The following RC3H1 variants were observed in gnomAD, a reference collection of about 807,000 sequenced individuals.
The protein encoded by RC3H1 is ring finger and CCCH-type domains 1, also known as roquin-1.
In RC3H1, 50 loss-of-function variants were observed where a neutral mutation model predicts 138.2. The observed-to-expected ratio is 0.36, with a 90% CI of 0.29 to 0.46. RC3H1 has a LOEUF of 0.46. Among genes scored for constraint, RC3H1 ranks in the 20% least tolerant of loss-of-function variants. The pLI is 1.00. For synonymous variants in RC3H1, 462 were observed against 489.1 expected (o/e 0.94, Z 0.73); for missense variants, 1,031 against 1,388.1 (o/e 0.74, Z 4.09).
chr1:174,006,674 CTGGTTTT>C (rs925146290), intron 1 of RC3H1, among the ~76,000 whole-genome samples: 48 of 152,204 alleles, frequency 3.2e-4, no homozygotes, highest in Middle Eastern at 3.4e-3. Context: ...CTGAGCATGA[CTGGTTTT>C]AAGTAGGAAC....
At chr1:174,012,652 CG>C (rs759929324) in intron 1 of RC3H1, among the ~76,000 whole-genome samples, 90 of 151,706 alleles carry the variant, frequency 5.9e-4, no homozygotes, top group Non-Finnish European at 1.1e-3. Flanking sequence ...GGTGTGGTGG[CG>C]GGCGCCTGTA....
chr1:173,989,977 C>T (rs6425266), intron 2 of RC3H1, among the ~76,000 whole-genome samples: 43,705 of 151,234 alleles, frequency 0.29, 11,285 homozygotes, highest in African/African-American at 0.7. Context: ...CCACCCGCCT[C>T]GGCCTCCCAA....
At chr1:173,991,508 A>G (rs902164275) in intron 2 of RC3H1, among the ~76,000 whole-genome samples, 2 of 152,214 alleles carry the variant, frequency 1.3e-5, no homozygotes, top group Non-Finnish European at 1.5e-5. Flanking sequence ...TATGATGTTG[A>G]ACAGAAATAG....
intron 17 of RC3H1, among the ~76,000 whole-genome samples, chr1:173,944,028 G>C (rs556542484): frequency 7.2e-5 from 11 of 152,090 alleles, no homozygotes; most frequent in Admixed American, 6.6e-4. Context: ...CAAAAAATTA[G>C]CCTGGGATGG....
intron 1 of RC3H1, among the ~76,000 whole-genome samples, chr1:174,013,239 G>C (rs1026280992): frequency 2.0e-5 from 3 of 151,878 alleles, no homozygotes; most frequent in Non-Finnish European, 4.4e-5. Flanking sequence ...GAAAAACTGA[G>C]ATCATATAAA....
chr1:174,012,669 AG>A (rs1318093850), intron 1 of RC3H1, among the ~76,000 whole-genome samples: 3 of 151,982 alleles, frequency 2.0e-5, no homozygotes, highest in Non-Finnish European at 4.4e-5. Flanking sequence ...CTGTAGTCCC[AG>A]CTACTCGGGA....
chr1:174,021,959 G>A, intron 1 of RC3H1, 137 bp downstream of exon 1: 1 of 377,182 alleles, frequency 2.7e-6, no homozygotes, highest in Non-Finnish European at 4.7e-6. Context: ...CCTGGGGCCG[G>A]CCGGGCTGCC....
intron 2 of RC3H1, 48 bp downstream of exon 2, chr1:173,992,699 CAGAGAGAG>C: frequency 1.3e-6 from 1 of 745,698 alleles, no homozygotes; most frequent in Non-Finnish European, 2.1e-6. Flanking sequence ...CACACACACA[CAGAGAGAG>C]AGAGAGAGAG....
intron 13 of RC3H1, among the ~76,000 whole-genome samples, chr1:173,958,494 C>T (rs1396989785): frequency 6.6e-6 from 1 of 151,492 alleles, no homozygotes; most frequent in Non-Finnish European, 1.5e-5. Context: ...TGCAGTGAGC[C>T]GAGATCGCAC....
intron 1 of RC3H1, among the ~76,000 whole-genome samples, chr1:174,013,609 T>C (rs1250037149): frequency 6.6e-6 from 1 of 151,946 alleles, no homozygotes; most frequent in African/African-American, 2.4e-5. Flanking sequence ...GTGTGGCTAA[T>C]TTTTGTATTT....
chr1:173,978,555 T>A lies in RC3H1; in HGVS notation c.1035A>T (p.Gly345=). The A allele has an allele frequency of 6.2e-7, 1 of 1,614,130 alleles. No individual in the cohort carries two copies. Among genetic ancestry groups the A allele is most frequent in the East Asian group, 2.2e-5 (1 of 44,880 alleles). ...TTAGTCGGTTCAAGTTTGCTGGGTC[T>A]CCAGTTCGCTGGAGAGCAATTGTTA... is the stretch of plus-strand genomic sequence containing the variant. ...QELTIALQRT[G]DPANLNRLRP... The change falls in exon 7 of 20, where the codon GGA becomes GGT. Residue 345 remains glycine, a synonymous_variant. Coordinates refer to ENST00000367696, the MANE Select transcript of RC3H1 (RefSeq NM_172071.4).
chr1:173,984,420 C>T, intron 3 of RC3H1, 79 bp downstream of exon 3: 1 of 1,382,852 alleles, frequency 7.2e-7, no homozygotes, highest in Non-Finnish European at 9.7e-7. Context: ...GGGAATTCCT[C>T]AGGACTTATA....
intron 13 of RC3H1, among the ~76,000 whole-genome samples, chr1:173,957,329 G>C (rs766429489): frequency 6.6e-6 from 1 of 152,060 alleles, no homozygotes; most frequent in Non-Finnish European, 1.5e-5. Flanking sequence ...TATAAATGAA[G>C]AAACGTGCAC....
intron 13 of RC3H1, 38 bp downstream of exon 13, chr1:173,961,039 A>G: frequency 6.3e-7 from 1 of 1,593,322 alleles, no homozygotes; most frequent in East Asian, 2.2e-5. Context: ...CACACACAAA[A>G]AAACACGGAT....
chr1:173,938,779 C>T lies in RC3H1; in HGVS notation c.3344G>A (p.Gly1115Glu), dbSNP rs1274581004. The change falls in exon 20 of 20, where the codon GGA becomes GAA. Residue 1115 changes from glycine to glutamate, a missense_variant. Physicochemically the swap from Gly to Glu is moderately conservative, Grantham distance 98 (BLOSUM62 -2). This residue lies in a region of RC3H1 where 716 missense variants were observed against 837.9 expected (regional missense o/e 0.85). Transcript: ENST00000367696. Reference sequence around the variant, plus strand: ...CTGGGAGTCATTATTATCCCCTCCTCCCTCAGGGTCCTCTGACAGGTTCAG... The same window carrying T: ...CTGGGAGTCATTATTATCCCCTCCTTCCTCAGGGTCCTCTGACAGGTTCAG... ...SSLNLSEDPE[G>E]GGDNNDSQRS... is the part of the protein sequence containing the mutation. 1 of 1,613,588 alleles carries T rather than the reference C, an allele frequency of 6.2e-7. No individual in the cohort carries two copies. Among genetic ancestry groups the T allele is most frequent in the Admixed American group, 1.7e-5 (1 of 60,014 alleles).
rs973740121 is a variant in RC3H1 at position 173,931,887 on chromosome 1, C to T, written c.*6834G>A. On this transcript the variant is annotated 3_prime_UTR_variant, in exon 20 of 20. Transcript: ENST00000367696. ...CAAAATTCAGCAATTAAAAAATCAG[C>T]TGTCACTTTAAGGCTCAATTTTTTT... 2 of 151,976 alleles carry T rather than the reference C, an allele frequency of 1.3e-5. No individual in the cohort carries two copies. The highest frequency in any genetic ancestry group is 4.8e-5 in the African/African-American group (2 of 41,382). The allele number at this position is 151,976 out of a possible 1,614,324, so 9.4% of individuals were successfully genotyped here. A position where few individuals can be genotyped will look rare whatever the true frequency, so the allele number is the denominator to read the frequency against.
chr1:174,021,750 TC>T (rs1212574612), intron 1 of RC3H1, among the ~76,000 whole-genome samples: 1 of 152,124 alleles, frequency 6.6e-6, no homozygotes, highest in Non-Finnish European at 1.5e-5. Context: ...CCGTGCGCAT[TC>T]CCCGCCTGGC....
intron 7 of RC3H1, among the ~76,000 whole-genome samples, chr1:173,977,780 A>G (rs1660649583): frequency 6.6e-6 from 1 of 152,214 alleles, no homozygotes; most frequent in Non-Finnish European, 1.5e-5. Flanking sequence ...AGACAGAAGT[A>G]GCACTCAGGT....
chr1:173,950,420 C>CAAAATAAAAAAAA (rs1659340213), intron 14 of RC3H1, among the ~76,000 whole-genome samples: 1 of 63,664 alleles, frequency 1.6e-5, no homozygotes, highest in African/African-American at 7.0e-5. Context: ...TCATCTCTAC[C>CAAAATAAAAAAAA]AAAAAAAAAA....
Sources: allele counts gnomAD v4.1 joint callset (sites outside exome capture counted in the v4.1 genomes callset), GRCh38; gene constraint gnomAD v4.1.1; regional missense constraint gnomAD v4.1.1; transcripts MANE v1.5; gene names NCBI Gene and HGNC (gene_info 2026-07-23, HGNC 2026-07-21).